RAB8B: variants seen among roughly 807,000 people sequenced by gnomAD.
RAB8B encodes ras-related protein Rab-8B.
In RAB8B, 11 loss-of-function variants were observed where a neutral mutation model predicts 32.0. That is an observed-to-expected ratio of 0.34 (90% CI 0.22 to 0.57). RAB8B has a LOEUF of 0.57. RAB8B is among the 20% of genes least tolerant of loss of function. RAB8B has a pLI of 0.86. For missense variants in RAB8B, 190 were observed against 258.5 expected (o/e 0.73, Z 1.82); for synonymous variants, 103 against 89.6 (o/e 1.15, Z -0.85).
chr15:63,206,366 T>G (rs2037698178), intron 1 of RAB8B, among the ~76,000 whole-genome samples: 1 of 152,076 alleles, frequency 6.6e-6, no homozygotes, highest in Admixed American at 6.6e-5. Context: ...GCAATCTCCT[T>G]AAGTCCCAGC....
chr15:63,229,773 G>T (rs10152816), intron 1 of RAB8B, among the ~76,000 whole-genome samples: 111,015 of 119,690 alleles, frequency 0.93, 51,318 homozygotes, highest in East Asian at 0.95. Flanking sequence ...AGAGCAAGAC[G>T]CTGTTTCAAA....
At chr15:63,244,623 A>G in intron 1 of RAB8B, 133 bp from the exon 2 acceptor site, 1 of 696,396 alleles carries the variant, frequency 1.4e-6, no homozygotes, top group South Asian at 1.7e-5. Context: ...GAAACATACC[A>G]TTCACACCCT....
rs71131155 is a variant in RAB8B, at chr15:63,258,100, G to GT, written c.415-1513dup. Among the ~76,000 whole-genome samples, 602 of 142,132 alleles carry GT rather than the reference G, an allele frequency of 4.2e-3. 4 individuals are homozygous for GT. The highest frequency in any genetic ancestry group is 0.019 in the South Asian group (88 of 4,562). 93.2% of individuals were successfully genotyped at this position (142,132 alleles called of 152,430 possible). On this transcript the variant is annotated intron_variant, in intron 5 of 7. Coordinates refer to ENST00000321437, the MANE Select transcript of RAB8B (RefSeq NM_016530.3). ...AAAAAAGTAATTAAAAGTAAGTATA[G>GT]TTTTTTTTTTTTTTATTTGAGATGG...
Position 63,256,570 on chromosome 15 carries a change from A to G in RAB8B, c.390A>G (p.Gln130=). ...GNKCDMNDKR[Q]VSKERGEKLA... ...AATGTGATATGAATGACAAAAGACA[A>G]GTGTCAAAAGAAAGAGGGGAGAAGG... is the stretch of plus-strand genomic sequence containing the variant. Residue 130 remains glutamine, a synonymous_variant, in exon 5 of 8, where the codon CAA becomes CAG. Transcript: ENST00000321437. 1 of 1,603,342 alleles carries G rather than the reference A, an allele frequency of 6.2e-7. No homozygotes were observed. Among genetic ancestry groups the G allele is most frequent in the Non-Finnish European group, 8.5e-7 (1 of 1,175,874 alleles).
At chr15:63,201,861 C>T (rs1303724250) in intron 1 of RAB8B, among the ~76,000 whole-genome samples, 1 of 152,082 alleles carries the variant, frequency 6.6e-6, no homozygotes, top group Non-Finnish European at 1.5e-5. Flanking sequence ...TGTACTCTAG[C>T]TGCAACAACC....
rs1478427304 is a variant in RAB8B, at chr15:63,264,576, C to A, written c.*957C>A. ...TTAGCTGGCTGGTTTAGTTGTAATACCAAATTCCTACCATAATCCCTGTCT... is the reference window on the plus strand; with the variant it reads ...TTAGCTGGCTGGTTTAGTTGTAATAACAAATTCCTACCATAATCCCTGTCT... On this transcript the variant is annotated 3_prime_UTR_variant, in exon 8 of 8. Transcript: ENST00000321437. 6.6e-6 allele frequency: 1 copy of A among 152,104 alleles called. No homozygotes were observed. The highest frequency in any genetic ancestry group is 1.5e-5 in the Non-Finnish European group (1 of 68,008). 9.4% of individuals were successfully genotyped at this position (152,104 alleles called of 1,614,324 possible).
chr15:63,258,994 G>A (rs1413883553), intron 5 of RAB8B, among the ~76,000 whole-genome samples: 1 of 152,080 alleles, frequency 6.6e-6, no homozygotes, highest in Non-Finnish European at 1.5e-5. Context: ...ATGTGAATTG[G>A]CCTTAGGTTC....
chr15:63,215,814 A>G (rs1317201615), intron 1 of RAB8B, among the ~76,000 whole-genome samples: 1 of 152,098 alleles, frequency 6.6e-6, no homozygotes, highest in Non-Finnish European at 1.5e-5. Context: ...AGGCAGGATG[A>G]TTGTTTGACC....
rs1595748351 is a variant in RAB8B at position 63,248,833 on chromosome 15, A to G, written c.186-812A>G. Among the ~76,000 whole-genome samples, 2 of 152,176 alleles carry G rather than the reference A, an allele frequency of 1.3e-5. No homozygotes were observed. Among genetic ancestry groups the G allele is most frequent in the South Asian group, 2.1e-4 (1 of 4,826 alleles). ...CACAAATGCCTCTTTCTCTCCTGCA[A>G]TTAAATTGTCTTAGTAGCACAGGGA... On this transcript the variant is annotated intron_variant, in intron 2 of 7. Coordinates refer to ENST00000321437, the MANE Select transcript of RAB8B (RefSeq NM_016530.3). This position sits in a 1 kb window ranked among gnomAD's most constrained non-coding sequence, Gnocchi z 4.4.
chr15:63,258,818 C>T (rs528397463), intron 5 of RAB8B, among the ~76,000 whole-genome samples: 8 of 152,222 alleles, frequency 5.3e-5, no homozygotes, highest in African/African-American at 1.4e-4. Flanking sequence ...TTATACCCTG[C>T]GCAGACGTCT....
intron 1 of RAB8B, among the ~76,000 whole-genome samples, chr15:63,214,649 C>CT (rs1216675439): frequency 6.6e-6 from 1 of 152,140 alleles, no homozygotes; most frequent in Non-Finnish European, 1.5e-5. Flanking sequence ...GTTTCTAACA[C>CT]TTCACAAAGC....
chr15:63,238,477 T>G (rs1210360309), intron 1 of RAB8B, among the ~76,000 whole-genome samples: 1 of 152,168 alleles, frequency 6.6e-6, no homozygotes, highest in Non-Finnish European at 1.5e-5. Context: ...AGTTCTTAGC[T>G]GAACACTACA....
chr15:63,227,359 T>C (rs1166042743), intron 1 of RAB8B, among the ~76,000 whole-genome samples: 1 of 152,220 alleles, frequency 6.6e-6, no homozygotes, highest in African/African-American at 2.4e-5. Context: ...CAGGCTTGCC[T>C]GAGGACATCT....
intron 1 of RAB8B, chr15:63,223,702 A>G (rs560935603): frequency 7.0e-5 from 18 of 257,128 alleles, no homozygotes; most frequent in South Asian, 3.9e-4. Flanking sequence ...CTGTACTTGT[A>G]CTGGTTGTTA....
chr15:63,258,112 T>A (rs1222656408), intron 5 of RAB8B, among the ~76,000 whole-genome samples: 5 of 151,854 alleles, frequency 3.3e-5, no homozygotes, highest in East Asian at 3.9e-4. Flanking sequence ...TTTTTTTTTT[T>A]TTATTTGAGA....
chr15:63,234,276 C>T (rs1053816092), intron 1 of RAB8B, among the ~76,000 whole-genome samples: 2 of 152,224 alleles, frequency 1.3e-5, no homozygotes, highest in African/African-American at 2.4e-5. Context: ...ACTACTCTTT[C>T]CCACACTCCA....
At chr15:63,211,477 C>T (rs2037746010) in intron 1 of RAB8B, among the ~76,000 whole-genome samples, 1 of 152,098 alleles carries the variant, frequency 6.6e-6, no homozygotes, top group South Asian at 2.1e-4. Flanking sequence ...ACTTTGATGG[C>T]CATTAGAATA....
chr15:63,195,999 A>C (rs1313404247), intron 1 of RAB8B, among the ~76,000 whole-genome samples: 2 of 152,210 alleles, frequency 1.3e-5, no homozygotes, highest in African/African-American at 4.8e-5. Flanking sequence ...AATGGGAAGC[A>C]GCAGGGTGTG....
intron 1 of RAB8B, among the ~76,000 whole-genome samples, chr15:63,230,252 C>A (rs139718406): frequency 4.6e-5 from 7 of 152,188 alleles, no homozygotes; most frequent in East Asian, 1.9e-4. Flanking sequence ...AGATTCAGAA[C>A]GCTGGAAGTT....
Sources: allele counts gnomAD v4.1 joint callset (sites outside exome capture counted in the v4.1 genomes callset), GRCh38; gene constraint gnomAD v4.1.1; non-coding constraint Gnocchi (gnomAD v3.1); transcripts MANE v1.5; gene names NCBI Gene and HGNC (gene_info 2026-07-23, HGNC 2026-07-21).